Variants in EMC10 observed in about 807,000 individuals in gnomAD.
EMC10 encodes UPF0510 protein INM02.
A neutral mutation model predicts 32.2 loss-of-function variants in EMC10; 40 were observed. That is an observed-to-expected ratio of 1.24 (90% CI 0.96 to 1.61). The LOEUF (loss-of-function observed/expected upper bound fraction) is 1.61, where lower values mean the gene tolerates loss of function less well. EMC10 is among the 40% of genes most tolerant of loss of function. The pLI is 0.00. For missense variants in EMC10, 402 were observed against 357.7 expected (o/e 1.12, Z -1.00); for synonymous variants, 178 against 158.4 (o/e 1.12, Z -0.93).
chr19:50,481,088 G>C, intron 6 of EMC10, 111 bp downstream of exon 6: 1 of 768,520 alleles, frequency 1.3e-6, no homozygotes, highest in Non-Finnish European at 2.1e-6. Flanking sequence ...CCTGCTCCTT[G>C]TCCTCCGGGC....
chr19:50,482,217 TGGGGGTGG>T lies in EMC10; in HGVS notation c.751_758del (p.Gly251TrpfsTer7). The T allele has an allele frequency of 1.7e-5, 1 of 60,202 alleles. No homozygotes were observed. Among genetic ancestry groups the T allele is most frequent in the Non-Finnish European group, 3.0e-5 (1 of 33,842 alleles). The allele number at this position is 60,202 out of a possible 1,614,324, so 3.7% of individuals were successfully genotyped here. On this transcript the variant is annotated frameshift_variant, in exon 7 of 7. Transcript: ENST00000334976. LOFTEE classifies it high-confidence loss of function. ...GAGCGCCAGACACCGGGGGCCAGGGTGGGGGTGGGGGTGGGGGTGGTGGTGGGGGTAGT... is the reference window on the plus strand; with the variant it reads ...GAGCGCCAGACACCGGGGGCCAGGGTGGGTGGGGGTGGTGGTGGGGGTAGT...
rs371412965 is a variant in EMC10, at chr19:50,476,914, T to TG, written c.114+261dup. The stretch of plus-strand genomic sequence containing the variant: ...GGGAATATGTATGAGGGGGCGGGGC[T>TG]GGGGGTGTGGAATCTTGGAGAATCC... On this transcript the variant is annotated intron_variant, in intron 1 of 6. Transcript: ENST00000334976. The TG allele has an allele frequency of 2.7e-3, 1,001 of 369,746 alleles. 11 individuals carry two copies. The highest frequency in any genetic ancestry group is 0.02 in the African/African-American group (940 of 47,032). The allele number at this position is 369,746 out of a possible 1,614,324, so 22.9% of individuals were successfully genotyped here.
In EMC10 at chr19:50,480,177, C is replaced by T. The variant is rs369628630; in HGVS notation, c.364C>T (p.Leu122=). 33 of 1,613,776 alleles carry T rather than the reference C, an allele frequency of 2.0e-5. No individual in the cohort carries two copies. Among genetic ancestry groups the T allele is most frequent in the Non-Finnish European group, 2.7e-5 (32 of 1,179,956 alleles). The change falls in exon 4 of 7, where the codon CTG becomes TTG. Residue 122 remains leucine (L), a synonymous_variant. Transcript: ENST00000334976. This position sits in a 1 kb window ranked among gnomAD's most constrained non-coding sequence, Gnocchi z 4.4. ...IPRRPGALDG[L]EAGGYVSSFV... ...AAGGCGACCCGGGGCCCTGGATGGCCTGGAAGCTGGTGGCTATGTCTCCTC... is the reference window on the plus strand; with the variant it reads ...AAGGCGACCCGGGGCCCTGGATGGCTTGGAAGCTGGTGGCTATGTCTCCTC...
chr19:50,484,062 C>T lies in EMC10; in HGVS notation c.*1803C>T, dbSNP rs2040363847. 9.2e-6 allele frequency: 1 copy of T among 109,234 alleles called. No homozygotes were observed. Among genetic ancestry groups the T allele is most frequent in the Non-Finnish European group, 1.7e-5 (1 of 58,460 alleles). The allele number at this position is 109,234 out of a possible 1,614,324, so 6.8% of individuals were successfully genotyped here. On this transcript the variant is annotated 3_prime_UTR_variant, in exon 7 of 7. Transcript: ENST00000334976. ...TTTTTTTTTGAGGCAGAGTCTCGCT[C>T]TGTCATCCAGGCTGGAGTACAATGG...
Position 50,484,989 on chromosome 19 carries a change from A to G in EMC10, c.*2730A>G, listed in dbSNP as rs565839571. 24 of 152,224 alleles carry G rather than the reference A, an allele frequency of 1.6e-4. No homozygotes were observed. The highest frequency in any genetic ancestry group is 5.5e-4 in the African/African-American group (23 of 41,538). 9.4% of individuals were successfully genotyped at this position (152,224 alleles called of 1,614,324 possible). A position where few individuals can be genotyped will look rare whatever the true frequency, so the allele number is the denominator to read the frequency against. ...GAAACAAGCAGATGCACATGTCAAC[A>G]GTTTTGCAAGTGTTGCTCTTTTCCC... On this transcript the variant is annotated 3_prime_UTR_variant, in exon 7 of 7. Transcript: ENST00000334976.
At chr19:50,479,195 A>G (rs1196089100) in intron 3 of EMC10, 129 bp downstream of exon 3, 1 of 672,896 alleles carries the variant, frequency 1.5e-6, no homozygotes, top group Non-Finnish European at 2.6e-6. Flanking sequence ...ACCACCTGCC[A>G]CTCTCAGCCT....
At chr19:50,481,960 ACCCCTGCCCCTCCCTGCGCC>A (rs1568687170) in intron 6 of EMC10, 169 bp from the exon 7 acceptor site, 1 of 1,607,134 alleles carries the variant, frequency 6.2e-7, no homozygotes, top group Admixed American at 1.7e-5. Flanking sequence ...GAGGACCGAG[ACCCCTGCCCCTCCCTGCGCC>A]CCACTGGCCC....
chr19:50,481,022 C>T (rs2040312275), intron 6 of EMC10, 45 bp downstream of exon 6: 4 of 1,499,238 alleles, frequency 2.7e-6, no homozygotes, highest in Non-Finnish European at 2.8e-6. Flanking sequence ...CCTGACAGTC[C>T]CGGTGCCTGG....
Position 50,486,867 on chromosome 19 carries a change from A to G in EMC10, c.*4608A>G, listed in dbSNP as rs1000898221. On this transcript the variant is annotated 3_prime_UTR_variant, in exon 7 of 7. Coordinates refer to ENST00000334976, the MANE Select transcript of EMC10 (RefSeq NM_206538.4). ...GAGTAAAAATGTTCATTTTTACAAA[A>G]TATTACAACTTCTCCCTCTCCCCTC... is the stretch of plus-strand genomic sequence containing the variant. The G allele has an allele frequency of 6.6e-6, 1 of 152,026 alleles. No homozygotes were observed. The highest frequency in any genetic ancestry group is 2.4e-5 in the African/African-American group (1 of 41,384). The allele number at this position is 152,026 out of a possible 1,614,324, so 9.4% of individuals were successfully genotyped here.
chr19:50,478,031 C>T, intron 2 of EMC10, 30 bp downstream of exon 2: 2 of 1,563,144 alleles, frequency 1.3e-6, no homozygotes, highest in East Asian at 2.4e-5. Flanking sequence ...CTCCTAGACA[C>T]TTAACATTGG....
chr19:50,476,574 G>A lies in EMC10; in HGVS notation c.30G>A (p.Arg10=). The A allele has an allele frequency of 1.3e-6, 2 of 1,575,164 alleles. No homozygotes were observed. Among genetic ancestry groups the A allele is most frequent in the South Asian group, 2.3e-5 (2 of 87,638 alleles). Reference sequence around the variant, plus strand: ...CGGCAGCCAGCGCTGGGGCAACCCGGCTGCTCCTGCTCTTGCTGATGGCGG... The same window carrying A: ...CGGCAGCCAGCGCTGGGGCAACCCGACTGCTCCTGCTCTTGCTGATGGCGG... MAAASAGAT[R]LLLLLLMAVA... The change falls in exon 1 of 7, where the codon CGG becomes CGA. Residue 10 remains arginine (R), a synonymous_variant. Coordinates refer to ENST00000334976, the MANE Select transcript of EMC10 (RefSeq NM_206538.4).
rs2040300829 is a variant in EMC10 at position 50,480,528 on chromosome 19, G to A, written c.403-53G>A. On this transcript the variant is annotated intron_variant, in intron 4 of 6. Transcript: ENST00000334976. This position sits in a 1 kb window ranked among gnomAD's most constrained non-coding sequence, Gnocchi z 4.4. The stretch of plus-strand genomic sequence containing the variant: ...GTGGTGGGGGCCGGGGGAGGTTAGG[G>A]TGGAGCCCAGGCAGCAGGCTCCCCA... The A allele has an allele frequency of 1.3e-6, 2 of 1,536,794 alleles. No homozygotes were observed. The highest frequency in any genetic ancestry group is 2.0e-5 in the Admixed American group (1 of 49,862).
chr19:50,479,105 G>T, intron 3 of EMC10, 39 bp downstream of exon 3: 1 of 1,504,150 alleles, frequency 6.6e-7, no homozygotes, highest in South Asian at 1.2e-5. Context: ...GGATGGGGAT[G>T]GAGGGTTTCC....
In EMC10 at chr19:50,482,216, G is replaced by A; in HGVS notation, c.746G>A (p.Gly249Asp). 9.0e-7 allele frequency: 1 copy of A among 1,117,174 alleles called. No homozygotes were observed. The highest frequency in any genetic ancestry group is 1.3e-6 in the Non-Finnish European group (1 of 776,364). The allele number at this position is 1,117,174 out of a possible 1,614,324, so 69.2% of individuals were successfully genotyped here. A position where few individuals can be genotyped will look rare whatever the true frequency, so the allele number is the denominator to read the frequency against. Residue 249 changes from glycine to aspartate, a missense_variant, in exon 7 of 7, where the codon GGT becomes GAT. By Grantham distance (94) the Gly-to-Asp change is moderately conservative. Transcript: ENST00000334976. ...GGAGCGCCAGACACCGGGGGCCAGG[G>A]TGGGGGTGGGGGTGGGGGTGGTGGT... The part of the protein sequence containing the change: ...MSGAPDTGGQ[G>D]GGGGGGGGGG...
At position 50,487,419 on chromosome 19, in the gene EMC10, T is replaced by G. The variant is rs1037587977; in HGVS notation, c.*5160T>G. On this transcript the variant is annotated 3_prime_UTR_variant, in exon 7 of 7. Coordinates refer to ENST00000334976, the MANE Select transcript of EMC10 (RefSeq NM_206538.4). ...GCTGTGTATCTTTAGGCAAGTTGCTTCCTGTCTCTGAGCGTCGTCTTTGTT... is the reference window on the plus strand; with the variant it reads ...GCTGTGTATCTTTAGGCAAGTTGCTGCCTGTCTCTGAGCGTCGTCTTTGTT... 2 of 152,454 alleles carry G rather than the reference T, an allele frequency of 1.3e-5. No individual in the cohort carries two copies. The highest frequency in any genetic ancestry group is 4.8e-5 in the African/African-American group (2 of 41,458). 9.4% of individuals were successfully genotyped at this position (152,454 alleles called of 1,614,324 possible).
rs565067792 is a variant in EMC10 at position 50,483,063 on chromosome 19, G to A, written c.*804G>A. 19 of 526,662 alleles carry A rather than the reference G, an allele frequency of 3.6e-5. No individual in the cohort carries two copies. The East Asian group carries it at 4.1e-4, about 11-fold the overall frequency. The allele number at this position is 526,662 out of a possible 1,614,324, so 32.6% of individuals were successfully genotyped here. A position where few individuals can be genotyped will look rare whatever the true frequency, so the allele number is the denominator to read the frequency against. On this transcript the variant is annotated 3_prime_UTR_variant, in exon 7 of 7. Coordinates refer to ENST00000334976, the MANE Select transcript of EMC10 (RefSeq NM_206538.4). ...CATCCTACCTGGACTGCGGTGCTAC[G>A]AGGGCCTGCGGGCCTTTGCTGTGTG...
In EMC10 at chr19:50,486,179, T is replaced by G. The variant is rs1978345268; in HGVS notation, c.*3920T>G. On this transcript the variant is annotated 3_prime_UTR_variant, in exon 7 of 7. Coordinates refer to ENST00000334976, the MANE Select transcript of EMC10 (RefSeq NM_206538.4). ...TACTGGAAACTATAGGCTCCTTTTTTTTTGGTGGGTGGGGGGCAGGTGTGT... is the reference window on the plus strand; with the variant it reads ...TACTGGAAACTATAGGCTCCTTTTTGTTTGGTGGGTGGGGGGCAGGTGTGT... 1 of 152,136 alleles carries G rather than the reference T, an allele frequency of 6.6e-6. No individual in the cohort carries two copies. The highest frequency in any genetic ancestry group is 6.6e-5 in the Admixed American group (1 of 15,266). 9.4% of individuals were successfully genotyped at this position (152,136 alleles called of 1,614,324 possible).
Position 50,484,746 on chromosome 19 carries a change from C to T in EMC10, c.*2487C>T, listed in dbSNP as rs1726785. ...GTTTGGGAGGCTGAGACAGGAGGAT[C>T]GCTTGAGCCCCAGAGTTCGATGCTT... On this transcript the variant is annotated 3_prime_UTR_variant, in exon 7 of 7. Transcript: ENST00000334976. The T allele has an allele frequency of 0.087, 13,183 of 152,178 alleles. 730 individuals are homozygous for T. The highest frequency in any genetic ancestry group is 0.15 in the African/African-American group (6,345 of 41,498). 9.4% of individuals were successfully genotyped at this position (152,178 alleles called of 1,614,324 possible).
In EMC10 at chr19:50,476,507, G is replaced by C; in HGVS notation, c.-38G>C. On this transcript the variant is annotated 5_prime_UTR_variant, in exon 1 of 7. Coordinates refer to ENST00000334976, the MANE Select transcript of EMC10 (RefSeq NM_206538.4). ...CTCCCGGCGTGCTCCGCGGCTCTTG[G>C]CTCACAGCCGTCCCTTCGCTGGTGG... 1.3e-6 allele frequency: 2 copies of C among 1,570,848 alleles called. No homozygotes were observed. The highest frequency in any genetic ancestry group is 1.7e-6 in the Non-Finnish European group (2 of 1,164,216).
Sources: allele counts gnomAD v4.1 joint callset, GRCh38; gene constraint gnomAD v4.1.1; non-coding constraint Gnocchi (gnomAD v3.1); transcripts MANE v1.5; gene names NCBI Gene and HGNC (gene_info 2026-07-23, HGNC 2026-07-21).